The following ZEB1 variants were observed in gnomAD, a reference collection of about 807,000 sequenced individuals.
ZEB1 encodes zinc finger E-box-binding homeobox 1.
A neutral mutation model predicts 84.9 loss-of-function variants in ZEB1; 21 were observed. The ratio of observed to expected loss-of-function variants is 0.25; its 90% confidence interval spans 0.18 to 0.36. The LOEUF (loss-of-function observed/expected upper bound fraction) is 0.36, where lower values mean the gene tolerates loss of function less well. ZEB1 is among the 10% of genes least tolerant of loss of function. The pLI is 1.00. For synonymous variants in ZEB1, 420 were observed against 471.1 expected (o/e 0.89, Z 1.41); for missense variants, 1,104 against 1,330.2 (o/e 0.83, Z 2.65).
chr10:31,345,391 A>G (rs2040128517), intron 1 of ZEB1, among the ~76,000 whole-genome samples: 1 of 152,192 alleles, frequency 6.6e-6, no homozygotes, highest in African/African-American at 2.4e-5. Flanking sequence ...TCTTAATGAC[A>G]GGAAAGTAAA....
chr10:31,478,430 G>A (rs2064568839), intron 2 of ZEB1, among the ~76,000 whole-genome samples: 1 of 151,884 alleles, frequency 6.6e-6, no homozygotes, highest in Non-Finnish European at 1.5e-5. Context: ...CAACCGCTAT[G>A]GAAAACAGTT....
chr10:31,451,325 T>C (rs1211832958), intron 1 of ZEB1, among the ~76,000 whole-genome samples: 1 of 152,204 alleles, frequency 6.6e-6, no homozygotes, highest in Non-Finnish European at 1.5e-5. Context: ...TGCTGCTTAA[T>C]TTTTTTCTCT....
intron 1 of ZEB1, among the ~76,000 whole-genome samples, chr10:31,386,972 A>T (rs2048747076): frequency 6.6e-6 from 1 of 152,132 alleles, no homozygotes; most frequent in South Asian, 2.1e-4. Context: ...TTTAGAGGAG[A>T]TATTTTTGTG....
rs2040264195 is a variant in ZEB1 at position 31,346,106 on chromosome 10, CATT to C, written c.58+26816_58+26818del. Among the ~76,000 whole-genome samples, 5 of 152,228 alleles carry C rather than the reference CATT, an allele frequency of 3.3e-5. No individual in the cohort carries two copies. In the South Asian group the frequency reaches 8.3e-4, roughly 25 times the overall value. On this transcript the variant is annotated intron_variant, in intron 1 of 8. Coordinates refer to ENST00000424869, the MANE Select transcript of ZEB1 (RefSeq NM_001174096.2). ...GTTGTTTGGAAGTATGAATAGTCAT[CATT>C]AAAATGTAGGGAGTTTATAGGGAAG...
At chr10:31,423,574 G>A (rs867673358) in intron 1 of ZEB1, among the ~76,000 whole-genome samples, 87 of 152,186 alleles carry the variant, frequency 5.7e-4, no homozygotes, top group Admixed American at 2.2e-3. Context: ...ACTATATAAT[G>A]CAAATGCATG....
intron 1 of ZEB1, chr10:31,389,791 A>C (rs2049291089): frequency 6.6e-6 from 1 of 152,200 alleles, no homozygotes; most frequent in Admixed American, 6.6e-5. Context: ...ATATACAAAA[A>C]TATTATTCCA....
chr10:31,368,640 T>C, intron 1 of ZEB1, among the ~76,000 whole-genome samples: 1 of 152,354 alleles, frequency 6.6e-6, no homozygotes, highest in East Asian at 1.9e-4. Flanking sequence ...TGATTTAATG[T>C]AATTCAAGTA....
chr10:31,460,385 T>A (rs1046397499), intron 1 of ZEB1, among the ~76,000 whole-genome samples: 4 of 152,106 alleles, frequency 2.6e-5, no homozygotes, highest in African/African-American at 9.7e-5. Context: ...GGTTGATTCT[T>A]TCTAAAGTCA....
chr10:31,432,325 A>G (rs1027013338), intron 1 of ZEB1, among the ~76,000 whole-genome samples: 3 of 152,210 alleles, frequency 2.0e-5, no homozygotes, highest in Admixed American at 1.3e-4. Context: ...ATGGTGGCTC[A>G]CACCTGTAAT....
intron 2 of ZEB1, among the ~76,000 whole-genome samples, chr10:31,493,400 C>T (rs892675041): frequency 4.6e-5 from 7 of 151,854 alleles, no homozygotes; most frequent in Admixed American, 1.3e-4. Flanking sequence ...AGGCATTTTT[C>T]TCACTTACAT....
chr10:31,485,261 G>A (rs1364594983), intron 2 of ZEB1, among the ~76,000 whole-genome samples: 1 of 151,840 alleles, frequency 6.6e-6, no homozygotes, highest in East Asian at 1.9e-4. Context: ...CATTTGCAGT[G>A]TGCTAAGCAT....
intron 4 of ZEB1, among the ~76,000 whole-genome samples, chr10:31,505,110 C>A (rs1300705957): frequency 6.6e-6 from 1 of 152,050 alleles, no homozygotes; most frequent in Non-Finnish European, 1.5e-5. Flanking sequence ...TGGAGGTGAA[C>A]CATCTTTGCA....
At chr10:31,384,858 CTT>C (rs371489587) in intron 1 of ZEB1, among the ~76,000 whole-genome samples, 1 of 152,226 alleles carries the variant, frequency 6.6e-6, no homozygotes, top group South Asian at 2.1e-4. Context: ...GCTTAGTAGT[CTT>C]TTCCTTTCAG....
chr10:31,409,630 T>G (rs186905427), intron 1 of ZEB1, among the ~76,000 whole-genome samples: 1 of 152,356 alleles, frequency 6.6e-6, no homozygotes, highest in East Asian at 1.9e-4. Flanking sequence ...ATACTGATTC[T>G]TCCTATCCAT....
At chr10:31,475,388 T>C (rs183387303) in intron 2 of ZEB1, among the ~76,000 whole-genome samples, 58 of 152,218 alleles carry the variant, frequency 3.8e-4, no homozygotes, top group Non-Finnish European at 7.2e-4. Flanking sequence ...GGGGATAATT[T>C]AGGAAAATCA....
intron 3 of ZEB1, among the ~76,000 whole-genome samples, chr10:31,498,262 G>A (rs921924562): frequency 4.6e-5 from 7 of 152,022 alleles, no homozygotes; most frequent in Non-Finnish European, 7.4e-5. Context: ...ATTGGGCCTG[G>A]TAAATGTGGG....
chr10:31,336,789 T>C (rs1490155085), intron 1 of ZEB1, among the ~76,000 whole-genome samples: 1 of 152,164 alleles, frequency 6.6e-6, no homozygotes, highest in Non-Finnish European at 1.5e-5. Context: ...AGGCATTTCA[T>C]GTCTCCTAGA....
intron 1 of ZEB1, among the ~76,000 whole-genome samples, chr10:31,452,740 TGTGAGAGAGA>T (rs1306658126): frequency 5.1e-5 from 5 of 97,484 alleles, no homozygotes; most frequent in African/African-American, 3.8e-4. Flanking sequence ...TGTGTGTGTG[TGTGAGAGAGA>T]GAGAGAGAGA....
intron 1 of ZEB1, among the ~76,000 whole-genome samples, chr10:31,449,276 C>A (rs1237356095): frequency 6.6e-6 from 1 of 152,248 alleles, no homozygotes; most frequent in African/African-American, 2.4e-5. Context: ...TCGGCTTGCG[C>A]ACAGTGCGCG....
Sources: allele counts gnomAD v4.1 joint callset (sites outside exome capture counted in the v4.1 genomes callset), GRCh38; gene constraint gnomAD v4.1.1; transcripts MANE v1.5; gene names NCBI Gene and HGNC (gene_info 2026-07-23, HGNC 2026-07-21).